CRACDL: variants seen among roughly 807,000 people sequenced by gnomAD.
CRACDL encodes the protein CRACD-like protein.
In CRACDL, 26 loss-of-function variants were observed where a neutral mutation model predicts 70.6. The observed-to-expected ratio is 0.37, with a 90% CI of 0.27 to 0.51. The LOEUF (loss-of-function observed/expected upper bound fraction) is 0.51, where lower values mean the gene tolerates loss of function less well. Among genes scored for constraint, CRACDL ranks in the 20% least tolerant of loss-of-function variants. The probability of loss-of-function intolerance (pLI) is 0.94; values close to 1 mark genes in which losing one functional copy is unlikely to be tolerated. For synonymous variants in CRACDL, 618 were observed against 615.2 expected (o/e 1.00, Z -0.07); for missense variants, 1,283 against 1,376.9 (o/e 0.93, Z 1.08).
intron 1 of CRACDL, among the ~76,000 whole-genome samples, chr2:98,889,725 A>T (rs1707914215): frequency 6.6e-6 from 1 of 152,230 alleles, no homozygotes; most frequent in South Asian, 2.1e-4. Context: ...TCTCAAAGGC[A>T]CATGGAACAT....
At position 98,930,722 on chromosome 2, in the gene CRACDL, T is replaced by C. The variant is rs116386636; in HGVS notation, c.-11+5216A>G. Among the ~76,000 whole-genome samples, 892 of 152,270 alleles carry C rather than the reference T, an allele frequency of 5.9e-3. 4 individuals are homozygous for C. The highest frequency in any genetic ancestry group is 0.021 in the African/African-American group (853 of 41,528). The stretch of plus-strand genomic sequence containing the variant: ...AGCAGCTGTGCTCAGGAGCACTGTG[T>C]ATGGCAGTTATGCTCATTTTCCTTA... On this transcript the variant is annotated intron_variant, in intron 1 of 9. Transcript: ENST00000397899.
At chr2:98,913,212 C>T (rs369706657) in intron 1 of CRACDL, among the ~76,000 whole-genome samples, 103 of 152,330 alleles carry the variant, frequency 6.8e-4, no homozygotes, top group African/African-American at 2.2e-3. Context: ...GGTGCCATCC[C>T]CACCCTTGAG....
chr2:98,900,136 G>A (rs1708236108), intron 1 of CRACDL, among the ~76,000 whole-genome samples: 1 of 142,260 alleles, frequency 7.0e-6, no homozygotes, highest in African/African-American at 2.6e-5. Flanking sequence ...AGGGGAGGCA[G>A]GGGGACAGAG....
intron 1 of CRACDL, chr2:98,869,234 C>T: frequency 7.7e-7 from 1 of 1,291,930 alleles, no homozygotes; most frequent in Non-Finnish European, 1.0e-6. Flanking sequence ...CCACTGGTTG[C>T]TGATCAAGAG....
At chr2:98,812,615 A>G (rs1704620125) in intron 7 of CRACDL, among the ~76,000 whole-genome samples, 3 of 151,946 alleles carry the variant, frequency 2.0e-5, no homozygotes. Context: ...GATGGTAAGC[A>G]TATTTTCAGG....
Position 98,795,040 on chromosome 2 carries a change from A to AATATATAAAAATTTATATATATATATAT in CRACDL, c.2750-370_2750-369insATATATATATATATAAATTTTTATATAT, listed in dbSNP as rs1329934418. 2.2e-4 allele frequency among the ~76,000 whole-genome samples: 6 copies of AATATATAAAAATTTATATATATATATAT among 27,712 alleles called. 2 individuals carry two copies. Among genetic ancestry groups the AATATATAAAAATTTATATATATATATAT allele is most frequent in the South Asian group, 5.6e-3 (2 of 354 alleles). The allele number at this position is 27,712 out of a possible 152,430, so 18.2% of individuals were successfully genotyped here. On this transcript the variant is annotated intron_variant, in intron 9 of 9. Coordinates refer to ENST00000397899, the MANE Select transcript of CRACDL (RefSeq NM_207362.3). ...GTTATGTGCCCTTACCATAATTAAA[A>AATATATAAAAATTTATATATATATATAT]ATATATATATATATATATATATATA...
chr2:98,805,878 G>A (rs759518953), intron 7 of CRACDL, among the ~76,000 whole-genome samples: 6 of 152,196 alleles, frequency 3.9e-5, no homozygotes, highest in Non-Finnish European at 5.9e-5. Context: ...CCCGCCTCCC[G>A]CTGGGCCACA....
intron 1 of CRACDL, among the ~76,000 whole-genome samples, chr2:98,931,833 G>A (rs1168118021): frequency 1.3e-5 from 2 of 152,172 alleles, no homozygotes; most frequent in African/African-American, 4.8e-5. Context: ...TCACATGCCT[G>A]TCTTATCATT....
At chr2:98,878,785 C>T (rs147686124) in intron 1 of CRACDL, among the ~76,000 whole-genome samples, 2 of 152,232 alleles carry the variant, frequency 1.3e-5, no homozygotes, top group Admixed American at 6.5e-5. Context: ...GACTGAGAGG[C>T]GCCCAGCATC....
In CRACDL at chr2:98,822,718, C is replaced by G; in HGVS notation, c.1555G>C (p.Glu519Gln). Residue 519 changes from glutamate to glutamine, a missense_variant, in exon 7 of 10, where the codon GAG becomes CAG. Physicochemically the swap from Glu to Gln is conservative, Grantham distance 29 (BLOSUM62 2). Coordinates refer to ENST00000397899, the MANE Select transcript of CRACDL (RefSeq NM_207362.3). The surrounding 1 kb of genome is among the most constrained non-coding windows in gnomAD (Gnocchi z 4.9). The part of the protein sequence containing the change: ...PAASPPLAAA[E>Q]SPPVEPGPGS... ...GGGCCGGGCTCCACCGGGGGAGACT[C>G]CGCAGCGGCAAGCGGCGGGGACGCG... 7.9e-7 allele frequency: 1 copy of G among 1,259,772 alleles called. No homozygotes were observed. The highest frequency in any genetic ancestry group is 9.9e-7 in the Non-Finnish European group (1 of 1,006,204). 78.0% of individuals were successfully genotyped at this position (1,259,772 alleles called of 1,614,324 possible).
chr2:98,902,648 C>T (rs1708310743), intron 1 of CRACDL, among the ~76,000 whole-genome samples: 1 of 152,110 alleles, frequency 6.6e-6, no homozygotes, highest in African/African-American at 2.4e-5. Context: ...CTGACCATCC[C>T]TGGAGCTGGA....
At chr2:98,821,410 T>C (rs535661054) in intron 7 of CRACDL, among the ~76,000 whole-genome samples, 70 of 152,314 alleles carry the variant, frequency 4.6e-4, no homozygotes, top group Admixed American at 1.3e-3. Context: ...GTTGAACTCC[T>C]GGGCTTATCA....
chr2:98,821,796 G>T, intron 7 of CRACDL, 61 bp downstream of exon 7: 1 of 1,570,262 alleles, frequency 6.4e-7, no homozygotes. Context: ...CCAGCAAGAT[G>T]TGCCCGTGGA....
chr2:98,837,657 GA>G (rs1390820597), intron 3 of CRACDL, among the ~76,000 whole-genome samples: 1 of 152,080 alleles, frequency 6.6e-6, no homozygotes, highest in East Asian at 1.9e-4. Context: ...ATTTTTGGAT[GA>G]TTTTTTTTCT....
intron 3 of CRACDL, among the ~76,000 whole-genome samples, chr2:98,835,790 C>T (rs541538390): frequency 1.2e-4 from 18 of 152,252 alleles, no homozygotes; most frequent in African/African-American, 3.9e-4. Context: ...TTTCAGTTAG[C>T]AAGTGTACAG....
At position 98,822,364 on chromosome 2, in the gene CRACDL, G is replaced by A; in HGVS notation, c.1909C>T (p.Pro637Ser). 1 of 1,471,142 alleles carries A rather than the reference G, an allele frequency of 6.8e-7. No homozygotes were observed. Among genetic ancestry groups the A allele is most frequent in the Non-Finnish European group, 8.9e-7 (1 of 1,120,616 alleles). 91.1% of individuals were successfully genotyped at this position (1,471,142 alleles called of 1,614,324 possible). ...PGPRKLAERG[P>S]QDSGDRAASP... ...GCCGCCCTGTCCCCCGAGTCCTGAG[G>A]GCCGCGCTCCGCCAGCTTCCGAGGG... Residue 637 changes from proline to serine, a missense_variant, in exon 7 of 10, where the codon CCT becomes TCT. By Grantham distance (74) the Pro-to-Ser change is moderately conservative (BLOSUM62 -1). Coordinates refer to ENST00000397899, the MANE Select transcript of CRACDL (RefSeq NM_207362.3). The surrounding 1 kb of genome is among the most constrained non-coding windows in gnomAD (Gnocchi z 4.9).
intron 1 of CRACDL, among the ~76,000 whole-genome samples, chr2:98,929,048 T>C (rs750434328): frequency 7.2e-5 from 11 of 152,180 alleles, no homozygotes; most frequent in Admixed American, 3.3e-4. Flanking sequence ...TCACCTCCAC[T>C]GGCCAAGCTA....
intron 7 of CRACDL, among the ~76,000 whole-genome samples, chr2:98,798,361 G>A (rs913045753): frequency 3.2e-4 from 47 of 147,992 alleles, no homozygotes; most frequent in African/African-American, 9.7e-4. Flanking sequence ...GGAGAATGGC[G>A]TGAACCCGGG....
intron 3 of CRACDL, among the ~76,000 whole-genome samples, chr2:98,834,175 C>A (rs1705669424): frequency 6.6e-6 from 1 of 152,334 alleles, no homozygotes; most frequent in Admixed American, 6.5e-5. Context: ...CTCTGGGAAC[C>A]ACAACCACCA....
Sources: gnomAD v4.1 joint callset for allele counts (sites outside exome capture counted in the v4.1 genomes callset) on GRCh38, gnomAD v4.1.1 for gene constraint, Gnocchi (gnomAD v3.1) non-coding constraint, MANE v1.5 for transcripts, NCBI Gene and HGNC (gene_info 2026-07-23, HGNC 2026-07-21) for gene names.